The following SH3PXD2B variants were observed in gnomAD, a reference collection of about 807,000 sequenced individuals.
SH3PXD2B encodes SH3 and PX domains 2B.
A neutral mutation model predicts 73.1 loss-of-function variants in SH3PXD2B; 37 were observed. The observed-to-expected ratio is 0.51, with a 90% confidence interval of 0.39 to 0.67. The LOEUF (loss-of-function observed/expected upper bound fraction) is 0.67, where lower values mean the gene tolerates loss of function less well. Ranked by LOEUF, SH3PXD2B falls within the 30% of genes least tolerant of loss-of-function variation. The probability of loss-of-function intolerance (pLI) is 0.00; values close to 1 mark genes in which losing one functional copy is unlikely to be tolerated. For missense variants in SH3PXD2B, 1,053 were observed against 1,197.8 expected (o/e 0.88, Z 1.78); for synonymous variants, 457 against 480.5 (o/e 0.95, Z 0.64).
intron 12 of SH3PXD2B, among the ~76,000 whole-genome samples, chr5:172,340,870 C>T (rs915248942): frequency 2.6e-5 from 4 of 152,170 alleles, no homozygotes; most frequent in Admixed American, 2.0e-4. Context: ...TCTGGGATTA[C>T]AGGTGTGAGC....
chr5:172,348,767 A>G (rs1445550809), intron 10 of SH3PXD2B, among the ~76,000 whole-genome samples: 2 of 151,982 alleles, frequency 1.3e-5, no homozygotes, highest in East Asian at 3.9e-4. Flanking sequence ...AATGCAGTGG[A>G]GCAATCACAG....
chr5:172,429,957 G>A (rs1272328007), intron 1 of SH3PXD2B, among the ~76,000 whole-genome samples: 1 of 152,216 alleles, frequency 6.6e-6, no homozygotes, highest in Non-Finnish European at 1.5e-5. Context: ...AGGCTGTGGA[G>A]TTCTAGGGTC....
At position 172,335,580 on chromosome 5, in the gene SH3PXD2B, T is replaced by C; in HGVS notation, c.*2789A>G. On this transcript the variant is annotated 3_prime_UTR_variant, in exon 13 of 13. Coordinates refer to ENST00000311601, the MANE Select transcript of SH3PXD2B (RefSeq NM_001017995.3). Reference sequence around the variant, plus strand: ...TTGCCGTAAGGATTAAAGGAGCGTGTGTGTTTAGGCACTGGTCACCAGCCC... The same window carrying C: ...TTGCCGTAAGGATTAAAGGAGCGTGCGTGTTTAGGCACTGGTCACCAGCCC... 3.2e-6 allele frequency: 4 copies of C among 1,231,842 alleles called. No individual in the cohort carries two copies. Among genetic ancestry groups the C allele is most frequent in the Non-Finnish European group, 4.0e-6 (4 of 988,032 alleles). 76.3% of individuals were successfully genotyped at this position (1,231,842 alleles called of 1,614,324 possible).
At chr5:172,366,932 A>ATT (rs1262636786) in intron 6 of SH3PXD2B, among the ~76,000 whole-genome samples, 1,803 of 74,938 alleles carry the variant, frequency 0.024, 99 homozygotes, top group African/African-American at 0.086. Context: ...GTGCCCGGCC[A>ATT]TTTTTTTTTT....
rs1347674827 is a variant in SH3PXD2B at position 172,350,484 on chromosome 5, G to A, written c.891C>T (p.Ala297=). 3.1e-6 allele frequency: 5 copies of A among 1,614,156 alleles called. No individual in the cohort carries two copies. Among genetic ancestry groups the A allele is most frequent in the Non-Finnish European group, 4.2e-6 (5 of 1,180,034 alleles). Residue 297 remains alanine, a synonymous_variant, in exon 10 of 13, where the codon GCC becomes GCT. Coordinates refer to ENST00000311601, the MANE Select transcript of SH3PXD2B (RefSeq NM_001017995.3). ...GCCGGGAAACACCATCCAAGTCAAGGGCACCCGGGTGGGAGGGTGAGCCAG... is the reference window on the plus strand; with the variant it reads ...GCCGGGAAACACCATCCAAGTCAAGAGCACCCGGGTGGGAGGGTGAGCCAG... ...PGPGSPSHPG[A]LDLDGVSRQQ...
In SH3PXD2B at chr5:172,339,534, G is replaced by T; in HGVS notation, c.1571C>A (p.Pro524Gln). The change falls in exon 13 of 13, where the codon CCG (proline) becomes CAG (glutamine). Residue 524 changes from proline to glutamine, a missense_variant. Transcript: ENST00000311601. The surrounding 1 kb of genome is among the most constrained non-coding windows in gnomAD (Gnocchi z 6.1). ...CGACTTGATGATGGATTCTTTCCGC[G>T]GAGGGAGGCTGGGCTTCTCCTCCAT... ...PDMEEKPSLP[P>Q]RKESIIKSEG... The T allele has an allele frequency of 1.2e-6, 2 of 1,614,170 alleles. No homozygotes were observed. The highest frequency in any genetic ancestry group is 8.5e-7 in the Non-Finnish European group (1 of 1,180,040).
intron 3 of SH3PXD2B, among the ~76,000 whole-genome samples, chr5:172,396,198 CAAA>C (rs571850981): frequency 0.37 from 29,343 of 78,260 alleles, 3,870 homozygotes; most frequent in East Asian, 0.59. Context: ...ACTAAAAATA[CAAA>C]AAAAAAAAAA....
At chr5:172,417,726 T>C (rs17074772) in intron 2 of SH3PXD2B, among the ~76,000 whole-genome samples, 2,926 of 152,256 alleles carry the variant, frequency 0.019, 110 homozygotes, top group African/African-American at 0.067. Flanking sequence ...ATAATCCTAA[T>C]AGCTGACATT....
At chr5:172,369,129 A>G (rs902596256) in intron 6 of SH3PXD2B, among the ~76,000 whole-genome samples, 10 of 151,376 alleles carry the variant, frequency 6.6e-5, no homozygotes, top group Non-Finnish European at 1.3e-4. Flanking sequence ...TCCTGACCTC[A>G]GGTGATCTGC....
intron 2 of SH3PXD2B, among the ~76,000 whole-genome samples, chr5:172,410,377 T>A (rs944931329): frequency 6.6e-6 from 1 of 152,180 alleles, no homozygotes; most frequent in Non-Finnish European, 1.5e-5. Flanking sequence ...TGGAAATGCT[T>A]GGTCCACTGT....
chr5:172,351,978 A>G (rs1156491118), intron 9 of SH3PXD2B, among the ~76,000 whole-genome samples: 1 of 152,144 alleles, frequency 6.6e-6, no homozygotes, highest in Non-Finnish European at 1.5e-5. Context: ...GGCGATGTGC[A>G]GTGCTGACTG....
At chr5:172,349,433 G>C (rs1757106633) in intron 10 of SH3PXD2B, among the ~76,000 whole-genome samples, 1 of 152,190 alleles carries the variant, frequency 6.6e-6, no homozygotes. Flanking sequence ...GCCGACAACA[G>C]TAATGAACTC....
At position 172,344,756 on chromosome 5, in the gene SH3PXD2B, A is replaced by G. The variant is rs142972255; in HGVS notation, c.1188+1380T>C. Among the ~76,000 whole-genome samples the G allele has an allele frequency of 1.1e-4, 17 of 152,318 alleles. No individual in the cohort carries two copies. In the East Asian group the frequency reaches 3.3e-3, roughly 29 times the overall value. On this transcript the variant is annotated intron_variant, in intron 12 of 12. Transcript: ENST00000311601. ...TCAGATAATAGCAAAGTGAAAACAC[A>G]AAAGGATTTCCTTCTAGTGAAACAT...
intron 4 of SH3PXD2B, among the ~76,000 whole-genome samples, chr5:172,391,078 T>C (rs1398306301): frequency 6.6e-6 from 1 of 152,006 alleles, no homozygotes; most frequent in African/African-American, 2.4e-5. Context: ...CGACCTCAGG[T>C]GATCCACCCG....
At chr5:172,346,053 G>A in intron 12 of SH3PXD2B, 83 bp downstream of exon 12, 1 of 1,602,488 alleles carries the variant, frequency 6.2e-7, no homozygotes, top group South Asian at 1.1e-5. Context: ...ACCCAGTGAA[G>A]TAGGAGGTGA....
intron 2 of SH3PXD2B, among the ~76,000 whole-genome samples, chr5:172,418,273 C>T (rs1758872683): frequency 6.6e-6 from 1 of 152,154 alleles, no homozygotes; most frequent in Admixed American, 6.5e-5. Context: ...AGGATGGGGG[C>T]CCACATTCAG....
intron 9 of SH3PXD2B, among the ~76,000 whole-genome samples, chr5:172,351,898 G>C (rs1480563546): frequency 6.6e-6 from 1 of 152,112 alleles, no homozygotes; most frequent in Non-Finnish European, 1.5e-5. Context: ...GAAAGTGCCA[G>C]GCTGTATATA....
chr5:172,417,187 G>C (rs1007284641), intron 2 of SH3PXD2B, among the ~76,000 whole-genome samples: 1 of 152,184 alleles, frequency 6.6e-6, no homozygotes, highest in Non-Finnish European at 1.5e-5. Context: ...TGCTCTGTTA[G>C]TCTCCATGCA....
At chr5:172,340,697 C>T (rs1756831269) in intron 12 of SH3PXD2B, among the ~76,000 whole-genome samples, 1 of 152,184 alleles carries the variant, frequency 6.6e-6, no homozygotes, top group Non-Finnish European at 1.5e-5. Context: ...CAGGTTCAAG[C>T]GATTCTCATG....
Sources: allele counts gnomAD v4.1 joint callset (sites outside exome capture counted in the v4.1 genomes callset), GRCh38; gene constraint gnomAD v4.1.1; non-coding constraint Gnocchi (gnomAD v3.1); transcripts MANE v1.5; gene names NCBI Gene and HGNC (gene_info 2026-07-23, HGNC 2026-07-21).